The following HSD17B12 variants were observed in gnomAD, a reference collection of about 807,000 sequenced individuals.
HSD17B12 encodes the protein hydroxysteroid 17-beta dehydrogenase 12.
Under a neutral mutation model 39.3 loss-of-function variants are expected in HSD17B12, and 32 were observed. The ratio of observed to expected loss-of-function variants is 0.81; its 90% CI spans 0.61 to 1.09. The LOEUF (loss-of-function observed/expected upper bound fraction) is 1.09, where lower values mean the gene tolerates loss of function less well. Among genes scored for constraint, HSD17B12 ranks in the 50% least tolerant of loss-of-function variants. The pLI, the probability that HSD17B12 is intolerant of heterozygous loss-of-function variation, is 0.00. For synonymous variants in HSD17B12, 150 were observed against 146.7 expected, an observed-to-expected ratio of 1.02 and a Z score of -0.16; for missense variants, 342 against 382.9, an observed-to-expected ratio of 0.89 and a Z score of 0.89.
At chr11:43,655,104 T>C in the HSD17B12 span, among the ~76,000 whole-genome samples, 1 of 152,218 alleles carries the variant, frequency 6.6e-6, no homozygotes, top group African/African-American at 2.4e-5. Flanking sequence ...GTAGTTCTCC[T>C]TGAAGAGGTC....
At chr11:43,609,845 A>C in the HSD17B12 span, among the ~76,000 whole-genome samples, 1 of 152,312 alleles carries the variant, frequency 6.6e-6, no homozygotes, top group South Asian at 2.1e-4. Flanking sequence ...CTTGTACTAC[A>C]TGGCTTCTAT....
the HSD17B12 span, among the ~76,000 whole-genome samples, chr11:43,660,812 A>T: frequency 6.6e-6 from 1 of 152,198 alleles, no homozygotes; most frequent in Non-Finnish European, 1.5e-5. Context: ...AACAAAATGA[A>T]ATACTACTCA....
the HSD17B12 span, among the ~76,000 whole-genome samples, chr11:43,625,383 T>G: frequency 6.6e-6 from 1 of 151,514 alleles, no homozygotes; most frequent in Admixed American, 6.6e-5. Context: ...AAAAAATTAT[T>G]TAGCAATTAC....
chr11:43,799,195 T>G (rs1420967219), intron 4 of HSD17B12, among the ~76,000 whole-genome samples: 1 of 151,972 alleles, frequency 6.6e-6, no homozygotes, highest in African/African-American at 2.4e-5. Context: ...ACAAATACAC[T>G]GTATAGATCC....
At chr11:43,583,002 A>AG in the HSD17B12 span, among the ~76,000 whole-genome samples, 2 of 152,160 alleles carry the variant, frequency 1.3e-5, no homozygotes, top group Admixed American at 6.5e-5. Flanking sequence ...AGCTTTGCGG[A>AG]GGGAGAGGCA....
chr11:43,691,124 T>G (rs1240520220), intron 1 of HSD17B12, among the ~76,000 whole-genome samples: 1 of 152,226 alleles, frequency 6.6e-6, no homozygotes, highest in Non-Finnish European at 1.5e-5. Context: ...GCTAATTATG[T>G]CATCGTCTTG....
At chr11:43,734,088 G>C in intron 1 of HSD17B12, 1 of 1,055,504 alleles carries the variant, frequency 9.5e-7, no homozygotes, top group South Asian at 1.3e-5. Context: ...CAGCATCGGA[G>C]AGGACTATGA....
At chr11:43,747,444 G>A (rs1950421897) in intron 1 of HSD17B12, among the ~76,000 whole-genome samples, 1 of 152,048 alleles carries the variant, frequency 6.6e-6, no homozygotes, top group Admixed American at 6.6e-5. Flanking sequence ...GGGCTTGTGG[G>A]GTGCCTGCAT....
chr11:43,825,129 T>C (rs1951221496), intron 6 of HSD17B12, among the ~76,000 whole-genome samples: 1 of 93,720 alleles, frequency 1.1e-5, no homozygotes, highest in East Asian at 3.9e-4. Context: ...AGACCCTGTC[T>C]CAAAAAAAAA....
intron 1 of HSD17B12, among the ~76,000 whole-genome samples, chr11:43,722,533 G>C (rs1271748653): frequency 6.6e-6 from 1 of 152,050 alleles, no homozygotes; most frequent in Non-Finnish European, 1.5e-5. Context: ...CCAACATAGT[G>C]AGCTCTTGTC....
chr11:43,625,039 A>T, the HSD17B12 span, among the ~76,000 whole-genome samples: 1 of 151,796 alleles, frequency 6.6e-6, no homozygotes, highest in Non-Finnish European at 1.5e-5. Flanking sequence ...GCTCTACATA[A>T]ATGTTCAAGT....
intron 3 of HSD17B12, among the ~76,000 whole-genome samples, chr11:43,759,240 G>A (rs186256427): frequency 2.0e-5 from 3 of 152,034 alleles, no homozygotes; most frequent in Admixed American, 1.3e-4. Flanking sequence ...ATATAAACTT[G>A]GGCACTTTAT....
chr11:43,661,906 G>T, the HSD17B12 span, among the ~76,000 whole-genome samples: 1 of 152,108 alleles, frequency 6.6e-6, no homozygotes, highest in Non-Finnish European at 1.5e-5. Context: ...TTTTTAAACT[G>T]GCAGTTGAAA....
chr11:43,738,108 A>T (rs1950333755), intron 1 of HSD17B12, among the ~76,000 whole-genome samples: 1 of 150,876 alleles, frequency 6.6e-6, no homozygotes, highest in Non-Finnish European at 1.5e-5. Context: ...GTAATTTAGC[A>T]TGTTTGGTAA....
the HSD17B12 span, among the ~76,000 whole-genome samples, chr11:43,607,410 G>A: frequency 5.3e-5 from 8 of 151,908 alleles, no homozygotes; most frequent in South Asian, 1.7e-3. Context: ...TTAAGCTCAA[G>A]CACTTACTTT....
At chr11:43,681,106 A>T in intron 1 of HSD17B12, 119 bp downstream of exon 1, 1 of 1,361,756 alleles carries the variant, frequency 7.3e-7, no homozygotes, top group South Asian at 1.7e-5. Context: ...CCTCTTTCTC[A>T]GGCTCCTGTG....
upstream of HSD17B12, among the ~76,000 whole-genome samples, chr11:43,675,900 T>C (rs576750610): frequency 6.6e-6 from 1 of 152,170 alleles, no homozygotes; most frequent in Non-Finnish European, 1.5e-5. Flanking sequence ...TAATTTGAGG[T>C]AAGGAGTTTG....
At chr11:43,665,773 G>GCACA in the HSD17B12 span, among the ~76,000 whole-genome samples, 2 of 150,218 alleles carry the variant, frequency 1.3e-5, no homozygotes, top group African/African-American at 2.4e-5. Flanking sequence ...ACACGCGCAT[G>GCACA]CACACACACA....
intron 6 of HSD17B12, among the ~76,000 whole-genome samples, chr11:43,821,079 A>G (rs1437963960): frequency 6.6e-6 from 1 of 152,238 alleles, no homozygotes; most frequent in Non-Finnish European, 1.5e-5. Context: ...AATATTAATC[A>G]GAAAGTTTTG....
Sources: allele counts gnomAD v4.1 joint callset (sites outside exome capture counted in the v4.1 genomes callset), GRCh38; gene constraint gnomAD v4.1.1; transcripts MANE v1.5; gene names NCBI Gene and HGNC (gene_info 2026-07-23, HGNC 2026-07-21).